The following COP1 variants were observed in gnomAD, a reference collection of about 807,000 sequenced individuals.
COP1 encodes the protein COP1 E3 ubiquitin ligase.
COP1 carries 24 observed loss-of-function variants against 101.3 expected under a neutral mutation model. That is an observed-to-expected ratio of 0.24 (90% CI 0.17 to 0.33). COP1 has a LOEUF of 0.33. Ranked by LOEUF, COP1 falls within the 10% of genes least tolerant of loss-of-function variation. The pLI is 1.00. For synonymous variants in COP1, 347 were observed against 341.9 expected (o/e 1.01, Z -0.17); for missense variants, 663 against 906.2 (o/e 0.73, Z 3.45).
intron 8 of COP1, among the ~76,000 whole-genome samples, chr1:176,134,265 T>C (rs1004722295): frequency 6.6e-6 from 1 of 151,888 alleles, no homozygotes; most frequent in Non-Finnish European, 1.5e-5. Flanking sequence ...AAACAGAGAG[T>C]GGATTTAACA....
intron 1 of COP1, among the ~76,000 whole-genome samples, chr1:176,193,392 T>C (rs1389383214): frequency 6.6e-6 from 1 of 152,154 alleles, no homozygotes; most frequent in African/African-American, 2.4e-5. Flanking sequence ...ACAATTACCA[T>C]ATCACCTAGC....
At chr1:175,953,201 T>C (rs1257759220) in intron 18 of COP1, among the ~76,000 whole-genome samples, 2 of 151,802 alleles carry the variant, frequency 1.3e-5, no homozygotes, top group Non-Finnish European at 2.9e-5. Context: ...GTTAAACATA[T>C]TATAAACTTT....
chr1:176,002,691 A>C (rs1351422134), intron 15 of COP1, among the ~76,000 whole-genome samples: 9 of 148,762 alleles, frequency 6.0e-5, no homozygotes, highest in Non-Finnish European at 1.0e-4. Flanking sequence ...TGAACTCATC[A>C]TTTTTTATGG....
chr1:175,997,963 C>T (rs1244790911), intron 15 of COP1, among the ~76,000 whole-genome samples: 9 of 147,810 alleles, frequency 6.1e-5, no homozygotes, highest in African/African-American at 1.0e-4. Context: ...ATGTTTATTG[C>T]GGCACTACTT....
At chr1:176,163,967 G>C in intron 3 of COP1, 76 bp from the exon 4 acceptor site, 1 of 934,064 alleles carries the variant, frequency 1.1e-6, no homozygotes, top group South Asian at 1.6e-5. Context: ...CTTCGGTTTA[G>C]ATAGATTCTA....
At chr1:176,166,604 G>T (rs1165927154) in intron 3 of COP1, among the ~76,000 whole-genome samples, 1 of 152,062 alleles carries the variant, frequency 6.6e-6, no homozygotes, top group East Asian at 1.9e-4. Flanking sequence ...ATTTTTCATG[G>T]AGTTACTTGA....
intron 9 of COP1, among the ~76,000 whole-genome samples, chr1:176,111,137 G>GC (rs1383478861): frequency 6.6e-6 from 1 of 152,042 alleles, no homozygotes; most frequent in Non-Finnish European, 1.5e-5. Context: ...GGACAACAGA[G>GC]CGAGACCTTG....
At chr1:176,192,041 A>G (rs912092032) in intron 1 of COP1, among the ~76,000 whole-genome samples, 1 of 152,158 alleles carries the variant, frequency 6.6e-6, no homozygotes, top group African/African-American at 2.4e-5. Context: ...AGGAAAGGAC[A>G]CCATGATTAA....
intron 9 of COP1, among the ~76,000 whole-genome samples, chr1:176,113,229 A>C (rs1236196465): frequency 6.6e-6 from 1 of 152,160 alleles, no homozygotes; most frequent in Non-Finnish European, 1.5e-5. Context: ...TATCTTCTTG[A>C]TAATACCATT....
rs549892543 is a variant in COP1 at position 176,078,017 on chromosome 1, T to A, written c.1277+3135A>T. Among the ~76,000 whole-genome samples, 4 of 152,068 alleles carry A rather than the reference T, an allele frequency of 2.6e-5. No homozygotes were observed. In the East Asian group the frequency reaches 5.8e-4, roughly 22 times the overall value. Reference sequence around the variant, plus strand: ...GAAGATGACACAAATAAATGGAAAATCCTTCCATAAGCATGATTTGGAAGA... The same window carrying A: ...GAAGATGACACAAATAAATGGAAAAACCTTCCATAAGCATGATTTGGAAGA... On this transcript the variant is annotated intron_variant, in intron 11 of 19. Transcript: ENST00000367669.
intron 19 of COP1, among the ~76,000 whole-genome samples, chr1:175,946,794 T>C (rs1205984254): frequency 6.6e-6 from 1 of 152,198 alleles, no homozygotes; most frequent in Non-Finnish European, 1.5e-5. Context: ...ATGACCAAGA[T>C]ATGTTTAAAT....
chr1:175,988,297 T>C lies in COP1; in HGVS notation c.1963A>G (p.Ile655Val), dbSNP rs557783032. Residue 655 changes from isoleucine to valine, a missense_variant, in exon 17 of 20, where the codon ATA becomes GTA. Transcript: ENST00000367669. ...FVGLASNGDY[I>V]ACGSENNSLY... ...CGATGGTTTCACTTACCACAAGCTATATAATCTCCATTGGAAGCCAGGCCT... is the reference window on the plus strand; with the variant it reads ...CGATGGTTTCACTTACCACAAGCTACATAATCTCCATTGGAAGCCAGGCCT... The C allele has an allele frequency of 2.5e-5, 41 of 1,611,250 alleles. No homozygotes were observed. The highest frequency in any genetic ancestry group is 1.8e-4 in the Middle Eastern group (1 of 5,480).
chr1:176,207,273 G>T lies in COP1; in HGVS notation c.-295C>A, dbSNP rs1282844556. 1 of 388,054 alleles carries T rather than the reference G, an allele frequency of 2.6e-6. No homozygotes were observed. Among genetic ancestry groups the T allele is most frequent in the Non-Finnish European group, 4.6e-6 (1 of 219,320 alleles). The allele number at this position is 388,054 out of a possible 1,614,324, so 24.0% of individuals were successfully genotyped here. A position where few individuals can be genotyped will look rare whatever the true frequency, so the allele number is the denominator to read the frequency against. ...CCCGGCGCGCCGTGGCCGGCCGTGC[G>T]CGCGCGCGCGAGCGGCGGAAGAGGC... On this transcript the variant is annotated 5_prime_UTR_variant, in exon 1 of 20. Transcript: ENST00000367669.
chr1:176,136,567 A>G lies in COP1; in HGVS notation c.832-20T>C. 1 of 1,525,038 alleles carries G rather than the reference A, an allele frequency of 6.6e-7. No homozygotes were observed. Among genetic ancestry groups the G allele is most frequent in the Non-Finnish European group, 8.9e-7 (1 of 1,126,902 alleles). 94.5% of individuals were successfully genotyped at this position (1,525,038 alleles called of 1,614,324 possible). A position where few individuals can be genotyped will look rare whatever the true frequency, so the allele number is the denominator to read the frequency against. ...CAGTTGCTGCAGATTAAATAGAGAG[A>G]GAAAGACAAAAAAAAAAAAGCCTAA... is the stretch of plus-strand genomic sequence containing the variant. On this transcript the variant is annotated intron_variant, in intron 6 of 19. Coordinates refer to ENST00000367669, the MANE Select transcript of COP1 (RefSeq NM_022457.7).
intron 1 of COP1, among the ~76,000 whole-genome samples, chr1:176,189,818 C>A (rs1393250307): frequency 6.6e-6 from 1 of 151,678 alleles, no homozygotes; most frequent in African/African-American, 2.4e-5. Context: ...CAATCATAAT[C>A]TAATATTTCA....
chr1:176,163,669 G>A (rs1694683830), intron 4 of COP1, 146 bp downstream of exon 4: 2 of 529,704 alleles, frequency 3.8e-6, no homozygotes, highest in Non-Finnish European at 3.4e-6. Flanking sequence ...AGTTAAGAAA[G>A]TTAGTTATTT....
chr1:176,107,287 G>A (rs937695047), intron 9 of COP1, among the ~76,000 whole-genome samples: 15 of 151,982 alleles, frequency 9.9e-5, no homozygotes, highest in African/African-American at 2.9e-4. Context: ...CAAGAACAAT[G>A]AGCATACTTA....
chr1:176,161,315 A>G (rs1413814738), intron 5 of COP1, among the ~76,000 whole-genome samples: 1 of 152,176 alleles, frequency 6.6e-6, no homozygotes, highest in Non-Finnish European at 1.5e-5. Context: ...TAGGGCCGGA[A>G]GCAGTGGCTC....
chr1:176,195,788 A>G (rs1439577713), intron 1 of COP1, among the ~76,000 whole-genome samples: 1 of 152,220 alleles, frequency 6.6e-6, no homozygotes, highest in Non-Finnish European at 1.5e-5. Context: ...ACAAAAACAG[A>G]AAACCAAATA....
Sources: gnomAD v4.1 joint callset for allele counts (sites outside exome capture counted in the v4.1 genomes callset) on GRCh38, gnomAD v4.1.1 for gene constraint, MANE v1.5 for transcripts, NCBI Gene and HGNC (gene_info 2026-07-23, HGNC 2026-07-21) for gene names.